The following CYSLTR2 variants were observed in gnomAD, a reference collection of about 807,000 sequenced individuals.
The protein encoded by CYSLTR2 is G-protein coupled receptor GPCR21.
For synonymous variants in CYSLTR2, 179 were observed against 160.8 expected, an observed-to-expected ratio of 1.11 and a Z score of -0.86; for missense variants, 398 against 411.9, an observed-to-expected ratio of 0.97 and a Z score of 0.29.
chr13:48,707,280 G>A lies in CYSLTR2; in HGVS notation c.463G>A (p.Ala155Thr), dbSNP rs1477942179. The A allele has an allele frequency of 2.5e-6, 4 of 1,613,894 alleles. No individual in the cohort carries two copies. Among genetic ancestry groups the A allele is most frequent in the African/African-American group, 1.3e-5 (1 of 74,918 alleles). ...TCTGCATGTCACCAGCATCAGGAGTGCCTGGATCCTCTGTGGGATCATATG... is the reference window on the plus strand; with the variant it reads ...TCTGCATGTCACCAGCATCAGGAGTACCTGGATCCTCTGTGGGATCATATG... ...RLLHVTSIRS[A>T]WILCGIIWIL... Residue 155 changes from alanine to threonine, a missense_variant, in exon 5 of 5, where the codon GCC becomes ACC. Coordinates refer to ENST00000682523, the MANE Select transcript of CYSLTR2 (RefSeq NM_001308476.3).
chr13:48,685,966 C>A (rs1002345216), intron 1 of CYSLTR2, among the ~76,000 whole-genome samples: 2 of 152,232 alleles, frequency 1.3e-5, no homozygotes, highest in South Asian at 4.1e-4. Flanking sequence ...CCAAGAGGGG[C>A]GTATTAGAGC....
intron 4 of CYSLTR2, among the ~76,000 whole-genome samples, 175 bp downstream of exon 4, chr13:48,696,801 T>G (rs1954199164): frequency 6.6e-6 from 1 of 152,174 alleles, no homozygotes; most frequent in African/African-American, 2.4e-5. Flanking sequence ...AATACTGTGC[T>G]TTTCCAACTG....
In CYSLTR2 at chr13:48,693,423, T is replaced by TC. The variant is rs1381467516; in HGVS notation, c.-175-11dup. The TC allele has an allele frequency of 2.0e-5, 3 of 152,070 alleles. No homozygotes were observed. Among genetic ancestry groups the TC allele is most frequent in the Admixed American group, 1.3e-4 (2 of 15,238 alleles). 9.4% of individuals were successfully genotyped at this position (152,070 alleles called of 1,614,324 possible). On this transcript the variant is annotated splice_polypyrimidine_tract_variant and intron_variant, in intron 2 of 4. Transcript: ENST00000682523. Reference sequence around the variant, plus strand: ...AGAAACACAGTTTAATAACATTTTTTCCCCTTTTTTTCAGACATTTTGACT... The same window carrying TC: ...AGAAACACAGTTTAATAACATTTTTTCCCCCTTTTTTTCAGACATTTTGACT...
At chr13:48,655,377 T>C (rs1303378089) in intron 1 of CYSLTR2, among the ~76,000 whole-genome samples, 1 of 152,236 alleles carries the variant, frequency 6.6e-6, no homozygotes, top group Non-Finnish European at 1.5e-5. Flanking sequence ...TGGCTCACTC[T>C]GGCTTTCAGG....
intron 1 of CYSLTR2, among the ~76,000 whole-genome samples, chr13:48,658,487 C>T (rs1349555325): frequency 6.6e-6 from 1 of 152,132 alleles, no homozygotes; most frequent in Non-Finnish European, 1.5e-5. Flanking sequence ...TGTGCTAGGG[C>T]CTGGGGTACA....
intron 4 of CYSLTR2, among the ~76,000 whole-genome samples, chr13:48,701,005 G>C (rs1182697182): frequency 6.6e-6 from 1 of 152,154 alleles, no homozygotes; most frequent in Non-Finnish European, 1.5e-5. Context: ...TGAAATAAAA[G>C]AGGACACAAA....
At chr13:48,661,038 C>T (rs1339183966) in intron 1 of CYSLTR2, among the ~76,000 whole-genome samples, 2 of 152,188 alleles carry the variant, frequency 1.3e-5, no homozygotes, top group African/African-American at 2.4e-5. Context: ...CTCACTTCAT[C>T]CTTACAACCC....
At chr13:48,694,848 C>A (rs1345965859) in intron 3 of CYSLTR2, 2 of 152,088 alleles carry the variant, frequency 1.3e-5, no homozygotes, top group Non-Finnish European at 2.9e-5. Context: ...TAAGTGAAAA[C>A]CTAAGTGTTT....
intron 1 of CYSLTR2, among the ~76,000 whole-genome samples, chr13:48,682,855 T>C (rs576907699): frequency 6.4e-4 from 97 of 152,246 alleles, no homozygotes; most frequent in African/African-American, 2.3e-3. Context: ...CAATAACTAT[T>C]TTTTCTGATT....
intron 1 of CYSLTR2, among the ~76,000 whole-genome samples, chr13:48,687,810 G>A (rs1360814264): frequency 1.3e-5 from 2 of 152,232 alleles, no homozygotes; most frequent in Admixed American, 6.5e-5. Flanking sequence ...AGTAAAGTTA[G>A]TGTGTGGCAG....
At position 48,708,523 on chromosome 13, in the gene CYSLTR2, T is replaced by G. The variant is rs181751843; in HGVS notation, c.*665T>G. The G allele has an allele frequency of 5.4e-4, 90 of 167,212 alleles. No individual in the cohort carries two copies. Among genetic ancestry groups the G allele is most frequent in the African/African-American group, 2.1e-3 (89 of 41,558 alleles). 10.4% of individuals were successfully genotyped at this position (167,212 alleles called of 1,614,324 possible). On this transcript the variant is annotated 3_prime_UTR_variant, in exon 5 of 5. Coordinates refer to ENST00000682523, the MANE Select transcript of CYSLTR2 (RefSeq NM_001308476.3). ...TACTGTTTCTCTCTTGCCAGGGTAT[T>G]AGGAAGGACAGGAAAAGTAGGAGGA...
intron 1 of CYSLTR2, among the ~76,000 whole-genome samples, chr13:48,687,300 G>A (rs949459775): frequency 2.6e-5 from 4 of 151,170 alleles, no homozygotes; most frequent in Non-Finnish European, 5.9e-5. Flanking sequence ...CTCCATAACT[G>A]TGTGAGCCAA....
chr13:48,657,142 CTAA>C (rs1484223016), intron 1 of CYSLTR2, among the ~76,000 whole-genome samples: 1 of 152,186 alleles, frequency 6.6e-6, no homozygotes, highest in East Asian at 1.9e-4. Flanking sequence ...TTAGTTACAG[CTAA>C]TGTTTATCTC....
At chr13:48,675,637 C>G (rs1242684668) in intron 1 of CYSLTR2, among the ~76,000 whole-genome samples, 1 of 152,100 alleles carries the variant, frequency 6.6e-6, no homozygotes, top group Non-Finnish European at 1.5e-5. Context: ...GGCTTCAGCC[C>G]CCTTTCCAGA....
chr13:48,675,974 G>A (rs1177329267), intron 1 of CYSLTR2, among the ~76,000 whole-genome samples: 3 of 152,170 alleles, frequency 2.0e-5, no homozygotes, highest in Non-Finnish European at 4.4e-5. Flanking sequence ...CCCATGGGCT[G>A]TGCCCACTGT....
At position 48,707,851 on chromosome 13, in the gene CYSLTR2, G is replaced by T; in HGVS notation, c.1034G>T (p.Arg345Ile). The change falls in exon 5 of 5, where the codon AGA (arginine) becomes ATA (isoleucine). Residue 345 changes from arginine (R) to isoleucine (I), a missense_variant. Arg to Ile is a moderately conservative substitution (Grantham distance 97). Coordinates refer to ENST00000682523, the MANE Select transcript of CYSLTR2 (RefSeq NM_001308476.3). ...AGTGTGTGGTTGAGAAAGGAAACAA[G>T]AGTATAAGGAGCTCTTAGATGAGAC... ...PVSVWLRKET[R>I]V The T allele has an allele frequency of 6.6e-7, 1 of 1,520,344 alleles. No homozygotes were observed. The highest frequency in any genetic ancestry group is 1.3e-5 in the South Asian group (1 of 74,508). The allele number at this position is 1,520,344 out of a possible 1,614,324, so 94.2% of individuals were successfully genotyped here. A position where few individuals can be genotyped will look rare whatever the true frequency, so the allele number is the denominator to read the frequency against.
chr13:48,707,973 A>C lies in CYSLTR2; in HGVS notation c.*115A>C. On this transcript the variant is annotated 3_prime_UTR_variant, in exon 5 of 5. Transcript: ENST00000682523. ...CAACAAATGTTGATTCTTAATATTT[A>C]GTTGACCATTACTTTTGTTAATAAG... is the stretch of plus-strand genomic sequence containing the variant. 1 of 894,392 alleles carries C rather than the reference A, an allele frequency of 1.1e-6. No homozygotes were observed. The allele number at this position is 894,392 out of a possible 1,614,324, so 55.4% of individuals were successfully genotyped here.
chr13:48,660,144 G>C, intron 1 of CYSLTR2, among the ~76,000 whole-genome samples: 1 of 152,082 alleles, frequency 6.6e-6, no homozygotes, highest in Non-Finnish European at 1.5e-5. Context: ...TATTAAAGAA[G>C]GAAACAAGGA....
chr13:48,707,957 T>C lies in CYSLTR2; in HGVS notation c.*99T>C, dbSNP rs202130898. The C allele has an allele frequency of 1.4e-5, 14 of 1,006,624 alleles. No homozygotes were observed. Among genetic ancestry groups the C allele is most frequent in the African/African-American group, 3.2e-5 (2 of 61,788 alleles). 62.4% of individuals were successfully genotyped at this position (1,006,624 alleles called of 1,614,324 possible). ...GTATTTACATCACTCCCAACAAATGTTGATTCTTAATATTTAGTTGACCAT... is the reference window on the plus strand; with the variant it reads ...GTATTTACATCACTCCCAACAAATGCTGATTCTTAATATTTAGTTGACCAT... On this transcript the variant is annotated 3_prime_UTR_variant, in exon 5 of 5. Transcript: ENST00000682523.
Sources: gnomAD v4.1 joint callset for allele counts (sites outside exome capture counted in the v4.1 genomes callset) on GRCh38, gnomAD v4.1.1 for gene constraint, MANE v1.5 for transcripts, NCBI Gene and HGNC (gene_info 2026-07-23, HGNC 2026-07-21) for gene names.